The following ZSCAN5A variants were observed in gnomAD, a reference collection of about 807,000 sequenced individuals.
The protein encoded by ZSCAN5A is zinc finger and SCAN domain-containing protein 5A.
Under a neutral mutation model 23.7 loss-of-function variants are expected in ZSCAN5A, and 12 were observed. That is an observed-to-expected ratio of 0.51 (90% CI 0.32 to 0.82). ZSCAN5A has a LOEUF of 0.82. ZSCAN5A is among the 40% of genes least tolerant of loss of function. The pLI, the probability that ZSCAN5A is intolerant of heterozygous loss-of-function variation, is 0.03. For synonymous variants in ZSCAN5A, 257 were observed against 239.9 expected (o/e 1.07, Z -0.66); for missense variants, 597 against 617.9 (o/e 0.97, Z 0.36).
chr19:56,339,043 C>A (rs975734647), intron 2 of ZSCAN5A, among the ~76,000 whole-genome samples: 2 of 152,246 alleles, frequency 1.3e-5, no homozygotes, highest in Non-Finnish European at 2.9e-5. Flanking sequence ...ACAATGTGAC[C>A]TGGGCATTGT....
At chr19:56,237,162 C>T (rs531437474) in intron 2 of ZSCAN5A, among the ~76,000 whole-genome samples, 1 of 152,228 alleles carries the variant, frequency 6.6e-6, no homozygotes, top group African/African-American at 2.4e-5. Context: ...TTCCTTACTC[C>T]GTTTTTTTGT....
chr19:56,269,430 G>T (rs908746225), intron 2 of ZSCAN5A, among the ~76,000 whole-genome samples: 1 of 152,196 alleles, frequency 6.6e-6, no homozygotes, highest in Non-Finnish European at 1.5e-5. Flanking sequence ...CAGAATAATT[G>T]TCCCTGAAGA....
At chr19:56,294,500 T>C (rs1436424968) in intron 2 of ZSCAN5A, among the ~76,000 whole-genome samples, 1 of 152,232 alleles carries the variant, frequency 6.6e-6, no homozygotes, top group African/African-American at 2.4e-5. Flanking sequence ...TTTTTTTTTC[T>C]GTTTTCTGTA....
At chr19:56,357,495 C>A (rs1260019744) in intron 2 of ZSCAN5A, among the ~76,000 whole-genome samples, 3 of 147,966 alleles carry the variant, frequency 2.0e-5, no homozygotes, top group Non-Finnish European at 3.0e-5. Flanking sequence ...CATTCCAATT[C>A]CTCTTCCCCA....
intron 2 of ZSCAN5A, among the ~76,000 whole-genome samples, chr19:56,345,273 C>T (rs79528399): frequency 0.011 from 1,604 of 152,268 alleles, 29 homozygotes; most frequent in African/African-American, 0.036. Flanking sequence ...ATTTGATGTA[C>T]ACTTTTTAAG....
At position 56,352,964 on chromosome 19, in the gene ZSCAN5A, G is replaced by A. The variant is rs909104891; in HGVS notation, c.-358+10271C>T. 2.0e-5 allele frequency among the ~76,000 whole-genome samples: 3 copies of A among 152,134 alleles called. No individual in the cohort carries two copies. The highest frequency in any genetic ancestry group is 4.4e-5 in the Non-Finnish European group (3 of 68,024). ...CATAATACATTTTCAGGGGGAAGAG[G>A]GCTGTCCTGTGCATTGTAGGATGTT... is the stretch of plus-strand genomic sequence containing the variant. On this transcript the variant is annotated intron_variant, in intron 2 of 6. Transcript: ENST00000587340. This position sits in a 1 kb window ranked among gnomAD's most constrained non-coding sequence, Gnocchi z 4.2.
intron 2 of ZSCAN5A, chr19:56,321,620 G>C: frequency 1.2e-6 from 1 of 839,384 alleles, no homozygotes; most frequent in Non-Finnish European, 2.1e-6. Flanking sequence ...CAGCACAATG[G>C]CAAGGTTCAT....
Position 56,345,111 on chromosome 19 carries a change from AAAAAATGCAAAC to A in ZSCAN5A, c.-358+18112_-358+18123del, listed in dbSNP as rs1051965313. On this transcript the variant is annotated intron_variant, in intron 2 of 6. Coordinates refer to the ZSCAN5A transcript ENST00000587340. Reference sequence around the variant, plus strand: ...ACAGAGCGAGACTACATCTCAAAAAAAAAAATGCAAACAAAAATGTATGCTGGCAATTCTTAA... The same window carrying A: ...ACAGAGCGAGACTACATCTCAAAAAAAAAAATGTATGCTGGCAATTCTTAA... Among the ~76,000 whole-genome samples, 5 of 152,146 alleles carry A rather than the reference AAAAAATGCAAAC, an allele frequency of 3.3e-5. No homozygotes were observed. The South Asian group carries it at 8.3e-4, about 25-fold the overall frequency.
chr19:56,293,245 G>A (rs116355888), intron 2 of ZSCAN5A, among the ~76,000 whole-genome samples: 66 of 152,304 alleles, frequency 4.3e-4, no homozygotes, highest in African/African-American at 1.4e-3. Flanking sequence ...CCAAGTCATC[G>A]TCCTTGTTTT....
chr19:56,246,696 T>C (rs758415486), intron 2 of ZSCAN5A: 150 of 1,028,096 alleles, frequency 1.5e-4, no homozygotes, highest in Non-Finnish European at 2.1e-4. Flanking sequence ...AAAATGTACC[T>C]TATTAACTGT....
chr19:56,222,219 T>A lies in ZSCAN5A; in HGVS notation c.847A>T (p.Thr283Ser). The change falls in exon 6 of 6, where the codon ACT becomes TCT. Residue 283 changes from threonine (T) to serine (S), a missense_variant. Around this residue, in one of 5 missense-constraint regions of ZSCAN5A, gnomAD observed 406 missense variants for 353.2 expected, o/e 1.15. Coordinates refer to ENST00000683990, the MANE Select transcript of ZSCAN5A (RefSeq NM_001322064.3). ...SACVVEREAS[T>S]HSGNRGDALN... ...GCGTCTCCTCTGTTCCCGCTGTGAG[T>A]CGAAGCTTCTCTCTCCACAACGCAG... is the stretch of plus-strand genomic sequence containing the variant. 1 of 1,613,826 alleles carries A rather than the reference T, an allele frequency of 6.2e-7. No homozygotes were observed. Among genetic ancestry groups the A allele is most frequent in the East Asian group, 2.2e-5 (1 of 44,856 alleles).
chr19:56,365,385 G>C (rs1408329879), intron 1 of ZSCAN5A, among the ~76,000 whole-genome samples: 49 of 152,196 alleles, frequency 3.2e-4, no homozygotes, highest in Admixed American at 3.1e-3. Context: ...GGGTTGGCAG[G>C]AAGTTTCTGT....
chr19:56,309,043 G>A (rs2040872396), intron 2 of ZSCAN5A, among the ~76,000 whole-genome samples: 1 of 152,224 alleles, frequency 6.6e-6, no homozygotes, highest in Non-Finnish European at 1.5e-5. Context: ...ACTGATGGCT[G>A]TGACTGTACC....
chr19:56,231,494 G>A (rs2034459568), intron 2 of ZSCAN5A, among the ~76,000 whole-genome samples: 1 of 152,070 alleles, frequency 6.6e-6, no homozygotes, highest in South Asian at 2.1e-4. Flanking sequence ...ATGCCTAACA[G>A]ACCTGTCAAT....
Position 56,225,109 on chromosome 19 carries a change from G to C in ZSCAN5A, c.-63C>G, listed in dbSNP as rs2033787759. On this transcript the variant is annotated 5_prime_UTR_variant, in exon 3 of 6. It adds an upstream start codon to the 5' untranslated region. Coordinates refer to ENST00000683990, the MANE Select transcript of ZSCAN5A (RefSeq NM_001322064.3). ...CTCTTCCAGTAGCTGGTATCTAATT[G>C]ATACCTATCTACACAGGCTTCCTCT... is the stretch of plus-strand genomic sequence containing the variant. 2 of 1,516,312 alleles carry C rather than the reference G, an allele frequency of 1.3e-6. No homozygotes were observed. Among genetic ancestry groups the C allele is most frequent in the Non-Finnish European group, 1.8e-6 (2 of 1,138,654 alleles). 93.9% of individuals were successfully genotyped at this position (1,516,312 alleles called of 1,614,324 possible). A position where few individuals can be genotyped will look rare whatever the true frequency, so the allele number is the denominator to read the frequency against.
At position 56,258,093 on chromosome 19, in the gene ZSCAN5A, C is replaced by T. The variant is rs1017621888; in HGVS notation, c.-127-32920G>A. ...CTCTGCAAGCCTTTCACACCTGGCT[C>T]CTGCCTCCTACCACTGCCCATCTTC... On this transcript the variant is annotated intron_variant, in intron 2 of 5. Transcript: ENST00000683990. Among the ~76,000 whole-genome samples the T allele has an allele frequency of 3.3e-5, 5 of 151,988 alleles. No individual in the cohort carries two copies. The Middle Eastern group carries it at 0.01, about 312-fold the overall frequency.
chr19:56,282,632 T>A, intron 2 of ZSCAN5A: 1 of 363,268 alleles, frequency 2.8e-6, no homozygotes, highest in Non-Finnish European at 3.8e-6. Flanking sequence ...GCGGAACTAG[T>A]AAAACCAAGT....
At chr19:56,339,065 T>G (rs1416484164) in intron 2 of ZSCAN5A, among the ~76,000 whole-genome samples, 3 of 152,266 alleles carry the variant, frequency 2.0e-5, no homozygotes, top group Non-Finnish European at 4.4e-5. Context: ...ATCTTTTCAT[T>G]GTAACTAATT....
intron 2 of ZSCAN5A, among the ~76,000 whole-genome samples, chr19:56,227,119 A>C (rs1363484763): frequency 2.0e-5 from 3 of 152,204 alleles, no homozygotes; most frequent in Non-Finnish European, 4.4e-5. Flanking sequence ...ACTTCAGTTC[A>C]TAACAATGTA....
Sources: gnomAD v4.1 joint callset for allele counts (sites outside exome capture counted in the v4.1 genomes callset) on GRCh38, gnomAD v4.1.1 for gene constraint, gnomAD v4.1.1 regional missense constraint, Gnocchi (gnomAD v3.1) non-coding constraint, MANE v1.5 for transcripts, NCBI Gene and HGNC (gene_info 2026-07-23, HGNC 2026-07-21) for gene names.